Variants in GMPS observed in about 807,000 individuals in gnomAD.
The protein encoded by GMPS is GMP synthase [glutamine-hydrolyzing].
A neutral mutation model predicts 77.9 loss-of-function variants in GMPS; 15 were observed. The ratio of observed to expected loss-of-function variants is 0.19; its 90% CI spans 0.13 to 0.30. The LOEUF is 0.30. GMPS is among the 10% of genes least tolerant of loss of function. The probability of loss-of-function intolerance (pLI) is 1.00; values close to 1 mark genes in which losing one functional copy is unlikely to be tolerated. For missense variants in GMPS, 590 were observed against 838.8 expected (o/e 0.70, Z 3.66); for synonymous variants, 224 against 275.9 (o/e 0.81, Z 1.86).
At chr3:155,906,816 A>G (rs6441028) in intron 5 of GMPS, among the ~76,000 whole-genome samples, 92,961 of 151,938 alleles carry the variant, frequency 0.61, 29,009 homozygotes, top group African/African-American at 0.64. Context: ...CACAGAGCCC[A>G]AACTATTTAC....
At chr3:155,900,242 T>G (rs1303613714) in intron 3 of GMPS, among the ~76,000 whole-genome samples, 1 of 152,156 alleles carries the variant, frequency 6.6e-6, no homozygotes, top group African/African-American at 2.4e-5. Context: ...GCCTCTTCTT[T>G]CCTTTCAAAG....
At chr3:155,884,411 A>G (rs886285818) in intron 1 of GMPS, among the ~76,000 whole-genome samples, 18 of 152,024 alleles carry the variant, frequency 1.2e-4, no homozygotes, top group Non-Finnish European at 2.1e-4. Context: ...AAGAAAAAAA[A>G]ATCACGAGGC....
rs1240571767 is a variant in GMPS at position 155,940,746 on chromosome 3, T to TG, written c.*3054_*3055insG. Reference sequence around the variant, plus strand: ...AATGGAGAAGCTGGATAGTGTTTTTTTTTTTTTTTTTTAAGGTTCTTTTAT... The same window carrying TG: ...AATGGAGAAGCTGGATAGTGTTTTTTGTTTTTTTTTTTTAAGGTTCTTTTAT... On this transcript the variant is annotated 3_prime_UTR_variant, in exon 16 of 16. Transcript: ENST00000496455. The TG allele has an allele frequency of 9.0e-6, 2 of 222,288 alleles. No individual in the cohort carries two copies. Among genetic ancestry groups the TG allele is most frequent in the Non-Finnish European group, 1.8e-5 (2 of 111,514 alleles). The allele number at this position is 222,288 out of a possible 1,614,324, so 13.8% of individuals were successfully genotyped here. A position where few individuals can be genotyped will look rare whatever the true frequency, so the allele number is the denominator to read the frequency against.
intron 1 of GMPS, among the ~76,000 whole-genome samples, chr3:155,871,512 T>C (rs1183087330): frequency 1.3e-5 from 2 of 152,046 alleles, no homozygotes; most frequent in East Asian, 3.9e-4. Flanking sequence ...TGCACTGTCT[T>C]CCCCCTCCCC....
chr3:155,904,836 C>T (rs894341529), intron 4 of GMPS, among the ~76,000 whole-genome samples: 1 of 152,094 alleles, frequency 6.6e-6, no homozygotes, highest in African/African-American at 2.4e-5. Flanking sequence ...TAAGATTTGA[C>T]ATTTTTCTGT....
At chr3:155,910,616 A>C in intron 5 of GMPS, 76 bp from the exon 6 acceptor site, 1 of 613,204 alleles carries the variant, frequency 1.6e-6, no homozygotes, top group Admixed American at 3.2e-5. Flanking sequence ...AGAGATTGTG[A>C]GAAATTAATT....
intron 14 of GMPS, 102 bp downstream of exon 14, chr3:155,935,148 T>C (rs1449287449): frequency 2.6e-6 from 2 of 779,534 alleles, no homozygotes; most frequent in Non-Finnish European, 4.4e-6. Flanking sequence ...GATGCTTTTG[T>C]TTTTATTATT....
rs1358300899 is a variant in GMPS, at chr3:155,931,781, A to G, written c.1577A>G (p.Tyr526Cys). The change falls in exon 13 of 16, where the codon TAC becomes TGC. Residue 526 changes from tyrosine to cysteine, a missense_variant. Physicochemically the swap from Tyr to Cys is radical, Grantham distance 194. Coordinates refer to ENST00000496455, the MANE Select transcript of GMPS (RefSeq NM_003875.3). ...TATTTTCAGGGTGACTGTCGTTCCT[A>G]CAGTTACGTGTGTGGAATCTCCAGT... is the stretch of plus-strand genomic sequence containing the variant. ...TVGVQGDCRS[Y>C]SYVCGISSKD... 2 of 1,520,814 alleles carry G rather than the reference A, an allele frequency of 1.3e-6. No homozygotes were observed. Among genetic ancestry groups the G allele is most frequent in the South Asian group, 1.1e-5 (1 of 88,894 alleles). 94.2% of individuals were successfully genotyped at this position (1,520,814 alleles called of 1,614,324 possible). A position where few individuals can be genotyped will look rare whatever the true frequency, so the allele number is the denominator to read the frequency against.
chr3:155,892,131 A>G (rs1477874131), intron 1 of GMPS, among the ~76,000 whole-genome samples: 1 of 152,188 alleles, frequency 6.6e-6, no homozygotes, highest in Non-Finnish European at 1.5e-5. Context: ...AAAGAAATAA[A>G]AATATAAAAT....
At chr3:155,875,309 C>T (rs1754017678) in intron 1 of GMPS, among the ~76,000 whole-genome samples, 2 of 152,202 alleles carry the variant, frequency 1.3e-5, no homozygotes, top group Non-Finnish European at 2.9e-5. Context: ...CCCCTCATTG[C>T]AACCTCCGCC....
At chr3:155,920,075 C>T (rs376576436) in intron 10 of GMPS, among the ~76,000 whole-genome samples, 1 of 152,180 alleles carries the variant, frequency 6.6e-6, no homozygotes, top group African/African-American at 2.4e-5. Context: ...CTGCTAAATA[C>T]ATTTTATTGT....
chr3:155,906,229 C>T lies in GMPS; in HGVS notation c.492C>T (p.Phe164=). The T allele has an allele frequency of 6.2e-7, 1 of 1,611,546 alleles. No individual in the cohort carries two copies. The highest frequency in any genetic ancestry group is 8.5e-7 in the Non-Finnish European group (1 of 1,178,552). Residue 164 remains phenylalanine, a synonymous_variant, in exon 5 of 16, where the codon TTC becomes TTT. Coordinates refer to ENST00000496455, the MANE Select transcript of GMPS (RefSeq NM_003875.3). ...GTGTAGACAAAGTAGCTGATGGATT[C>T]AAGGTTGTGGCACGTTCTGGAAACA... ...GDSVDKVADG[F]KVVARSGNIV... is the part of the protein sequence containing the mutation.
chr3:155,906,362 C>A, intron 5 of GMPS, 99 bp downstream of exon 5: 2 of 593,652 alleles, frequency 3.4e-6, no homozygotes, highest in South Asian at 5.6e-5. Context: ...TTTCCTTTTT[C>A]TTCTGATTTT....
At chr3:155,925,792 G>A (rs539014045) in intron 12 of GMPS, among the ~76,000 whole-genome samples, 170 of 151,966 alleles carry the variant, frequency 1.1e-3, no homozygotes, top group Non-Finnish European at 1.7e-3. Context: ...AATATACTGT[G>A]GTTTTAGAAG....
At chr3:155,910,101 C>G (rs1219930173) in intron 5 of GMPS, among the ~76,000 whole-genome samples, 1 of 151,854 alleles carries the variant, frequency 6.6e-6, no homozygotes, top group South Asian at 2.1e-4. Context: ...AAGAAATAAG[C>G]CGAGCGTGGT....
chr3:155,904,262 A>T (rs1754811085), intron 4 of GMPS, among the ~76,000 whole-genome samples: 1 of 150,676 alleles, frequency 6.6e-6, no homozygotes, highest in South Asian at 2.1e-4. Context: ...TCACTCTTTG[A>T]TCTGTTTTTA....
At chr3:155,883,882 C>G (rs1754268292) in intron 1 of GMPS, among the ~76,000 whole-genome samples, 1 of 152,074 alleles carries the variant, frequency 6.6e-6, no homozygotes, top group African/African-American at 2.4e-5. Flanking sequence ...ACAGTTTTTA[C>G]TGAATGTTTA....
chr3:155,927,106 T>G (rs1473761170), intron 12 of GMPS, among the ~76,000 whole-genome samples: 1 of 152,210 alleles, frequency 6.6e-6, no homozygotes, highest in Non-Finnish European at 1.5e-5. Flanking sequence ...GTTAAGGAAC[T>G]CTTGCCTTCT....
At chr3:155,918,846 C>T (rs948565360) in intron 9 of GMPS, among the ~76,000 whole-genome samples, 7 of 152,044 alleles carry the variant, frequency 4.6e-5, no homozygotes, top group African/African-American at 1.7e-4. Context: ...ATACGACTTG[C>T]AAATGTCTTC....
Sources: allele counts gnomAD v4.1 joint callset (sites outside exome capture counted in the v4.1 genomes callset), GRCh38; gene constraint gnomAD v4.1.1; transcripts MANE v1.5; gene names NCBI Gene and HGNC (gene_info 2026-07-23, HGNC 2026-07-21).